Variants in PLPBP observed in about 807,000 individuals in gnomAD.
PLPBP encodes pyridoxal phosphate homeostasis protein.
A neutral mutation model predicts 31.2 loss-of-function variants in PLPBP; 21 were observed. The ratio of observed to expected loss-of-function variants is 0.67; its 90% CI spans 0.48 to 0.97. The LOEUF is 0.97. Ranked by LOEUF, PLPBP falls within the 50% of genes least tolerant of loss-of-function variation. PLPBP has a pLI of 0.00. For synonymous variants in PLPBP, 124 were observed against 135.6 expected (o/e 0.91, Z 0.59); for missense variants, 308 against 354.4 (o/e 0.87, Z 1.05).
intron 4 of PLPBP, among the ~76,000 whole-genome samples, chr8:37,767,046 C>CAAAAAAAAAAAA (rs377103424): frequency 1.7e-5 from 1 of 57,162 alleles, no homozygotes; most frequent in African/African-American, 7.0e-5. Flanking sequence ...GACTTCATCC[C>CAAAAAAAAAAAA]AAAAAAAAAA....
In PLPBP at chr8:37,766,356, G is replaced by A; in HGVS notation, c.319+1G>A. ...AAACAAAATGTCAACAAATTGATGG[G>A]TAAGATAAAATTAAATATGAAAACA... On this transcript the variant is annotated splice_donor_variant, in intron 4 of 7. Transcript: ENST00000328195. LOFTEE classifies it high-confidence loss of function. The A allele has an allele frequency of 6.2e-7, 1 of 1,601,278 alleles. No individual in the cohort carries two copies. Among genetic ancestry groups the A allele is most frequent in the African/African-American group, 1.3e-5 (1 of 74,330 alleles).
rs764545438 is a variant in PLPBP at position 37,762,746 on chromosome 8, G to A, written c.87G>A (p.Ala29=). The change falls in exon 1 of 8, where the codon GCG becomes GCA. Residue 29 remains alanine (A), a synonymous_variant. Transcript: ENST00000328195. ...AVNERVQQAV[A]RRPRDLPAIQ... is the part of the protein sequence containing the mutation. ...ACGAGCGCGTGCAGCAGGCTGTGGC[G>A]CGGCGGCCGCGGGTGAGGAAGGAGG... 1 of 1,568,334 alleles carries A rather than the reference G, an allele frequency of 6.4e-7. No individual in the cohort carries two copies. The highest frequency in any genetic ancestry group is 1.2e-5 in the South Asian group (1 of 86,368).
chr8:37,762,694 G>T lies in PLPBP; in HGVS notation c.35G>T (p.Gly12Val). 6.3e-7 allele frequency: 1 copy of T among 1,590,942 alleles called. No homozygotes were observed. The highest frequency in any genetic ancestry group is 1.1e-5 in the South Asian group (1 of 88,080). Reference protein sequence around the residue: ...WRAGSMSAELGVGCALRAVNE... With the variant: ...WRAGSMSAELVVGCALRAVNE... ...GCTGGCAGCATGTCGGCCGAGCTGG[G>T]AGTCGGGTGCGCATTGCGGGCGGTG... Residue 12 changes from glycine to valine, a missense_variant, in exon 1 of 8, where the codon GGA becomes GTA. Physicochemically the swap from Gly to Val is moderately radical, Grantham distance 109 (BLOSUM62 -3). Coordinates refer to ENST00000328195, the MANE Select transcript of PLPBP (RefSeq NM_007198.4).
intron 1 of PLPBP, among the ~76,000 whole-genome samples, chr8:37,764,058 G>T (rs1476430558): frequency 6.7e-6 from 1 of 148,856 alleles, no homozygotes; most frequent in African/African-American, 2.5e-5. Context: ...TTCTGCCACT[G>T]GTTCTTTTCT....
At chr8:37,777,838 TG>T in intron 7 of PLPBP, 134 bp from the exon 8 acceptor site, 4 of 1,003,878 alleles carry the variant, frequency 4.0e-6, no homozygotes, top group Non-Finnish European at 5.6e-6. Flanking sequence ...CCCAAAATGC[TG>T]GGATTACAGG....
At chr8:37,763,465 C>T (rs1368450353) in intron 1 of PLPBP, among the ~76,000 whole-genome samples, 1 of 152,210 alleles carries the variant, frequency 6.6e-6, no homozygotes, top group Non-Finnish European at 1.5e-5. Context: ...AGCATTTATG[C>T]TGGCTGAAGA....
At chr8:37,766,669 G>C in intron 4 of PLPBP, 1 of 951,036 alleles carries the variant, frequency 1.1e-6, no homozygotes, top group South Asian at 4.7e-5. Flanking sequence ...AGACATTTCT[G>C]TTCTTTTTCC....
At chr8:37,762,808 G>A in intron 1 of PLPBP, 50 bp downstream of exon 1, 1 of 1,524,928 alleles carries the variant, frequency 6.6e-7, no homozygotes, top group Non-Finnish European at 8.8e-7. Flanking sequence ...TTGAGAAGAG[G>A]GACACCTGCG....
chr8:37,776,499 A>AC (rs1182596847), intron 7 of PLPBP, among the ~76,000 whole-genome samples: 4 of 150,684 alleles, frequency 2.7e-5, no homozygotes, highest in Non-Finnish European at 4.4e-5. Context: ...AAAAAAAAAA[A>AC]AAAACAAAAG....
intron 1 of PLPBP, among the ~76,000 whole-genome samples, chr8:37,765,060 C>T (rs1803585634): frequency 6.6e-6 from 1 of 152,168 alleles, no homozygotes; most frequent in Admixed American, 6.5e-5. Context: ...ATCCCAGCTA[C>T]TCAGGAGGCT....
At chr8:37,773,469 C>CTTT (rs1381266888) in intron 5 of PLPBP, among the ~76,000 whole-genome samples, 4 of 119,948 alleles carry the variant, frequency 3.3e-5, no homozygotes, top group Admixed American at 8.9e-5. Context: ...CACACTCAGC[C>CTTT]TTTTTTTTTT....
At chr8:37,762,945 T>C (rs979038358) in intron 1 of PLPBP, among the ~76,000 whole-genome samples, 187 bp downstream of exon 1, 1 of 152,150 alleles carries the variant, frequency 6.6e-6, no homozygotes, top group Non-Finnish European at 1.5e-5. Flanking sequence ...TGTTAGGTTT[T>C]CTGGAGATTG....
In PLPBP at chr8:37,772,766, C is replaced by A. The variant is rs767387923; in HGVS notation, c.331C>A (p.Leu111Ile). ...NVNKLMAVPN[L>I]FMLETVDSVK... Reference sequence around the variant, plus strand: ...CTGTCTCATTACAGCTGTCCCCAATCTCTTCATGCTGGAAACAGTGGATTC... The same window carrying A: ...CTGTCTCATTACAGCTGTCCCCAATATCTTCATGCTGGAAACAGTGGATTC... Residue 111 changes from leucine (L) to isoleucine (I), a missense_variant, in exon 5 of 8, where the codon CTC becomes ATC. By Grantham distance (5) the Leu-to-Ile change is conservative. This residue lies in a region of PLPBP where 188 missense variants were observed against 259.3 expected (regional missense o/e 0.73). Transcript: ENST00000328195. 1.9e-6 allele frequency: 3 copies of A among 1,614,070 alleles called. No individual in the cohort carries two copies. In the Admixed American group the frequency reaches 5.0e-5, roughly 27 times the overall value.
intron 1 of PLPBP, among the ~76,000 whole-genome samples, chr8:37,764,063 T>TTTTC (rs1038596063): frequency 6.7e-6 from 1 of 148,932 alleles, no homozygotes; most frequent in African/African-American, 2.6e-5. Context: ...CCACTGGTTC[T>TTTTC]TTTCTTTCTT....
Position 37,762,751 on chromosome 8 carries a change from G to A in PLPBP, c.92G>A (p.Arg31Gln). The A allele has an allele frequency of 6.4e-7, 1 of 1,564,740 alleles. No individual in the cohort carries two copies. The highest frequency in any genetic ancestry group is 8.6e-7 in the Non-Finnish European group (1 of 1,162,062). The change falls in exon 1 of 8, where the codon CGG (arginine) becomes CAG (glutamine). Residue 31 changes from arginine to glutamine, a missense_variant. By Grantham distance (43) the Arg-to-Gln change is conservative. Transcript: ENST00000328195. ...NERVQQAVAR[R>Q]PRDLPAIQPR... The stretch of plus-strand genomic sequence containing the variant: ...CGCGTGCAGCAGGCTGTGGCGCGGC[G>A]GCCGCGGGTGAGGAAGGAGGCTGCG...
At chr8:37,772,499 T>G (rs80185435) in intron 4 of PLPBP, among the ~76,000 whole-genome samples, 8,951 of 152,294 alleles carry the variant, frequency 0.059, 899 homozygotes, top group African/African-American at 0.2. Flanking sequence ...TTCTTGAAGC[T>G]TATGGATGTA....
At chr8:37,771,826 G>A (rs1202120831) in intron 4 of PLPBP, among the ~76,000 whole-genome samples, 1 of 152,052 alleles carries the variant, frequency 6.6e-6, no homozygotes, top group African/African-American at 2.4e-5. Flanking sequence ...GAGGTGTAGT[G>A]GTGGGTGCCT....
intron 1 of PLPBP, among the ~76,000 whole-genome samples, chr8:37,764,221 G>A (rs1438517578): frequency 6.6e-6 from 1 of 152,024 alleles, no homozygotes; most frequent in East Asian, 1.9e-4. Context: ...TCCTGCCTCA[G>A]CCTCCTGAGT....
intron 4 of PLPBP, among the ~76,000 whole-genome samples, chr8:37,771,869 A>G (rs1340560492): frequency 2.0e-5 from 3 of 152,128 alleles, no homozygotes; most frequent in African/African-American, 7.2e-5. Context: ...CTGAGGCAGA[A>G]GAATAGCTTG....
Sources: allele counts gnomAD v4.1 joint callset (sites outside exome capture counted in the v4.1 genomes callset), GRCh38; gene constraint gnomAD v4.1.1; regional missense constraint gnomAD v4.1.1; transcripts MANE v1.5; gene names NCBI Gene and HGNC (gene_info 2026-07-23, HGNC 2026-07-21).